The following SAMD12 variants were observed in gnomAD, a reference collection of about 807,000 sequenced individuals.
SAMD12 encodes the protein sterile alpha motif domain containing 12.
SAMD12 carries 9 observed loss-of-function variants against 15.0 expected under a neutral mutation model. That is an observed-to-expected ratio of 0.60 (90% CI 0.36 to 1.05). The LOEUF is 1.05. Ranked by LOEUF, SAMD12 falls within the 50% of genes least tolerant of loss-of-function variation. The probability of loss-of-function intolerance (pLI) is 0.01; values close to 1 mark genes in which losing one functional copy is unlikely to be tolerated. For missense variants in SAMD12, 230 were observed against 234.2 expected, an observed-to-expected ratio of 0.98 and a Z score of 0.12; for synonymous variants, 86 against 90.1, an observed-to-expected ratio of 0.96 and a Z score of 0.25.
At chr8:118,468,521 T>A (rs1823662494) in intron 2 of SAMD12, among the ~76,000 whole-genome samples, 1 of 152,072 alleles carries the variant, frequency 6.6e-6, no homozygotes, top group Non-Finnish European at 1.5e-5. Flanking sequence ...TATGAAGCAA[T>A]GTTCTATTTT....
In SAMD12 at chr8:118,272,990, C is replaced by T. The variant is rs555791895; in HGVS notation, c.434-75258G>A. ...TCCAACCTCTGCCTGTTACCCAGTT[C>T]CAAAGTCACTTCCACATTTTCAAGT... is the stretch of plus-strand genomic sequence containing the variant. On this transcript the variant is annotated intron_variant, in intron 4 of 4. Transcript: ENST00000409003. 1.1e-3 allele frequency among the ~76,000 whole-genome samples: 173 copies of T among 152,286 alleles called. 1 individual carries two copies. The highest frequency in any genetic ancestry group is 2.0e-3 in the Non-Finnish European group (138 of 68,026).
At chr8:118,247,350 C>A (rs1812720140) in intron 4 of SAMD12, among the ~76,000 whole-genome samples, 1 of 151,984 alleles carries the variant, frequency 6.6e-6, no homozygotes, top group South Asian at 2.1e-4. Context: ...ATCTATTATA[C>A]AGCATAGTGA....
chr8:118,546,628 A>T (rs1168365883), intron 2 of SAMD12, among the ~76,000 whole-genome samples: 1 of 152,196 alleles, frequency 6.6e-6, no homozygotes, highest in African/African-American at 2.4e-5. Flanking sequence ...TAGCAGGCAA[A>T]CCACAATTAC....
intron 2 of SAMD12, among the ~76,000 whole-genome samples, chr8:118,491,109 G>A (rs1251514254): frequency 6.6e-6 from 1 of 152,112 alleles, no homozygotes; most frequent in South Asian, 2.1e-4. Context: ...CCTGTCCAAT[G>A]CATCATCTCT....
intron 2 of SAMD12, among the ~76,000 whole-genome samples, chr8:118,467,999 G>C (rs1309706385): frequency 6.6e-6 from 1 of 152,192 alleles, no homozygotes; most frequent in Non-Finnish European, 1.5e-5. Context: ...ATTGAAATCT[G>C]CTACAAGACA....
chr8:118,159,012 C>G, the SAMD12 span, among the ~76,000 whole-genome samples: 37 of 152,146 alleles, frequency 2.4e-4, 1 homozygote, highest in African/African-American at 8.4e-4. Flanking sequence ...TCGGGACCTG[C>G]TGAATGGTGG....
chr8:118,620,478 T>G (rs1282099860), intron 1 of SAMD12, among the ~76,000 whole-genome samples: 1 of 151,048 alleles, frequency 6.6e-6, no homozygotes, highest in East Asian at 1.9e-4. Context: ...AGAAAAATCT[T>G]GATTGTAAGA....
chr8:118,459,046 C>T (rs1390211095), intron 2 of SAMD12, among the ~76,000 whole-genome samples: 1 of 142,504 alleles, frequency 7.0e-6, no homozygotes, highest in Non-Finnish European at 1.5e-5. Flanking sequence ...AAAAAATCTG[C>T]TACCCAGGAA....
intron 4 of SAMD12, among the ~76,000 whole-genome samples, chr8:118,270,460 C>A (rs749170806): frequency 5.3e-5 from 8 of 152,146 alleles, no homozygotes; most frequent in Non-Finnish European, 1.2e-4. Flanking sequence ...TCATTACCAT[C>A]CCGTTTCTTT....
intron 4 of SAMD12, among the ~76,000 whole-genome samples, chr8:118,257,289 T>C (rs545492076): frequency 6.6e-6 from 1 of 152,200 alleles, no homozygotes; most frequent in South Asian, 2.1e-4. Flanking sequence ...AGAAAGGTGG[T>C]TAAAAGTCAC....
chr8:118,428,028 A>G (rs543587810), intron 3 of SAMD12, among the ~76,000 whole-genome samples: 1 of 152,062 alleles, frequency 6.6e-6, no homozygotes, highest in Admixed American at 6.6e-5. Context: ...TGATGACTTA[A>G]TATTTCTGAG....
chr8:118,578,164 T>C (rs1827197903), intron 2 of SAMD12, among the ~76,000 whole-genome samples: 1 of 152,146 alleles, frequency 6.6e-6, no homozygotes, highest in Non-Finnish European at 1.5e-5. Context: ...CCTTTCTACT[T>C]TAAAATATTA....
the SAMD12 span, among the ~76,000 whole-genome samples, chr8:118,144,159 C>T: frequency 1.5e-3 from 228 of 152,204 alleles, 3 homozygotes; most frequent in African/African-American, 5.3e-3. Context: ...TATAAGGATT[C>T]GGGCGAGGAT....
At chr8:118,254,601 C>T (rs1812891572) in intron 4 of SAMD12, among the ~76,000 whole-genome samples, 1 of 152,064 alleles carries the variant, frequency 6.6e-6, no homozygotes, top group Non-Finnish European at 1.5e-5. Context: ...CTTCCCCCTT[C>T]CTCACCCTAT....
chr8:118,269,271 A>G (rs1813287063), intron 4 of SAMD12, among the ~76,000 whole-genome samples: 1 of 150,434 alleles, frequency 6.6e-6, no homozygotes. Context: ...TAAGCAGGAA[A>G]CAAATGTAGA....
At chr8:118,242,003 C>T (rs1812579501) in intron 4 of SAMD12, among the ~76,000 whole-genome samples, 1 of 152,130 alleles carries the variant, frequency 6.6e-6, no homozygotes. Flanking sequence ...CCTTGACCTC[C>T]CTGGGCTCAG....
the SAMD12 span, among the ~76,000 whole-genome samples, chr8:118,157,185 T>C: frequency 6.6e-6 from 1 of 152,268 alleles, no homozygotes; most frequent in Admixed American, 6.5e-5. Context: ...ATGATTTACA[T>C]AGGGCTTCAG....
intron 4 of SAMD12, among the ~76,000 whole-genome samples, chr8:118,301,233 A>G (rs1815009065): frequency 6.6e-6 from 1 of 152,236 alleles, no homozygotes; most frequent in Non-Finnish European, 1.5e-5. Flanking sequence ...AATAACTAGC[A>G]AGCTGTAGTC....
chr8:118,200,734 T>C (rs896862756), intron 4 of SAMD12, among the ~76,000 whole-genome samples: 1 of 152,246 alleles, frequency 6.6e-6, no homozygotes, highest in Non-Finnish European at 1.5e-5. Flanking sequence ...ATGGGCTTTA[T>C]GGGAGGACAA....
Sources: allele counts gnomAD v4.1 joint callset (sites outside exome capture counted in the v4.1 genomes callset), GRCh38; gene constraint gnomAD v4.1.1; transcripts MANE v1.5; gene names NCBI Gene and HGNC (gene_info 2026-07-23, HGNC 2026-07-21).